Variants in DDX19A observed in about 807,000 individuals in gnomAD.
DDX19A encodes ATP-dependent RNA helicase DDX19A.
In DDX19A, 12 loss-of-function variants were observed where a neutral mutation model predicts 60.6. The ratio of observed to expected loss-of-function variants is 0.20; its 90% confidence interval spans 0.13 to 0.32. The LOEUF is 0.32. DDX19A is among the 10% of genes least tolerant of loss of function. DDX19A has a pLI of 1.00. For synonymous variants in DDX19A, 206 were observed against 218.2 expected (o/e 0.94, Z 0.49); for missense variants, 337 against 600.6 (o/e 0.56, Z 4.59).
chr16:70,370,158 G>C (rs1353142789), intron 9 of DDX19A, 65 bp from the exon 10 acceptor site: 1 of 1,538,938 alleles, frequency 6.5e-7, no homozygotes, highest in Non-Finnish European at 8.7e-7. Flanking sequence ...CAGCAAGACT[G>C]TGTCTCAAAA....
chr16:70,355,391 AAAAT>A, intron 2 of DDX19A, 90 bp from the exon 3 acceptor site: 1 of 976,554 alleles, frequency 1.0e-6, no homozygotes, highest in East Asian at 2.5e-5. Flanking sequence ...ATAAAAAAAT[AAAAT>A]AAATTTCAGT....
chr16:70,367,308 A>AT (rs1332114871), intron 9 of DDX19A, among the ~76,000 whole-genome samples: 3 of 151,916 alleles, frequency 2.0e-5, no homozygotes, highest in Non-Finnish European at 4.4e-5. Context: ...GGCGCTTGTA[A>AT]TCCCAGCTAC....
At position 70,366,452 on chromosome 16, in the gene DDX19A, T is replaced by C; in HGVS notation, c.783-172T>C. The C allele has an allele frequency of 2.4e-6, 3 of 1,226,456 alleles. No individual in the cohort carries two copies. The South Asian group carries it at 4.4e-5, about 18-fold the overall frequency. The allele number at this position is 1,226,456 out of a possible 1,614,324, so 76.0% of individuals were successfully genotyped here. A position where few individuals can be genotyped will look rare whatever the true frequency, so the allele number is the denominator to read the frequency against. ...CCAACCTGGGTTGAGAAAGGAGACC[T>C]AGGGACTCTTCCCCAACCCTTGTCC... On this transcript the variant is annotated intron_variant, in intron 8 of 11. Coordinates refer to ENST00000302243, the MANE Select transcript of DDX19A (RefSeq NM_018332.5).
At chr16:70,347,219 G>T in intron 1 of DDX19A, 171 bp downstream of exon 1, 1 of 647,404 alleles carries the variant, frequency 1.5e-6, no homozygotes, top group Non-Finnish European at 2.7e-6. Context: ...GACCAATGTC[G>T]AGCTTTTTAT....
At chr16:70,361,946 G>A (rs534244633) in intron 5 of DDX19A, among the ~76,000 whole-genome samples, 5 of 152,058 alleles carry the variant, frequency 3.3e-5, no homozygotes, top group Admixed American at 1.3e-4. Context: ...CAAGGTGGGC[G>A]GATTGCCTGA....
chr16:70,365,283 T>C, intron 7 of DDX19A, 152 bp downstream of exon 7: 3 of 494,580 alleles, frequency 6.1e-6, no homozygotes, highest in Non-Finnish European at 1.1e-5. Flanking sequence ...GAATACCTGC[T>C]AATTTGTTAA....
Position 70,373,294 on chromosome 16 carries a change from T to A in DDX19A, c.*1308T>A, listed in dbSNP as rs1389755999. 1 of 152,170 alleles carries A rather than the reference T, an allele frequency of 6.6e-6. No individual in the cohort carries two copies. Among genetic ancestry groups the A allele is most frequent in the Non-Finnish European group, 1.5e-5 (1 of 68,038 alleles). The allele number at this position is 152,170 out of a possible 1,614,324, so 9.4% of individuals were successfully genotyped here. Reference sequence around the variant, plus strand: ...CACCATTCATTATGCTAAGACATTTTAAAGTAATTATGAGAAACGCTCTAC... The same window carrying A: ...CACCATTCATTATGCTAAGACATTTAAAAGTAATTATGAGAAACGCTCTAC... On this transcript the variant is annotated 3_prime_UTR_variant, in exon 12 of 12. Transcript: ENST00000302243.
intron 1 of DDX19A, among the ~76,000 whole-genome samples, chr16:70,348,626 CAAAAAA>C (rs1244983371): frequency 1.1e-4 from 4 of 34,892 alleles, no homozygotes; most frequent in African/African-American, 5.4e-4. Flanking sequence ...GACTCTGTCT[CAAAAAA>C]AAAAAAAAAA....
At chr16:70,355,753 G>A (rs1048905370) in intron 3 of DDX19A, 21 of 592,242 alleles carry the variant, frequency 3.5e-5, no homozygotes, top group Non-Finnish European at 6.0e-5. Context: ...CTTTGGGCCA[G>A]GAGTTCAAGA....
intron 10 of DDX19A, chr16:70,370,773 A>T: frequency 5.3e-6 from 1 of 187,690 alleles, no homozygotes; most frequent in South Asian, 1.1e-4. Flanking sequence ...AGGTGGGCGA[A>T]TCACCTGAGG....
chr16:70,358,476 CTTTT>C (rs113552631), intron 4 of DDX19A, among the ~76,000 whole-genome samples: 41 of 140,868 alleles, frequency 2.9e-4, no homozygotes, highest in African/African-American at 8.2e-4. Context: ...GGCCCAATAA[CTTTT>C]TTTTTTTTTT....
Position 70,366,185 on chromosome 16 carries a change from C to A in DDX19A, c.705C>A (p.Ile235=), listed in dbSNP as rs1347249119. 2 of 1,614,136 alleles carry A rather than the reference C, an allele frequency of 1.2e-6. No homozygotes were observed. Among genetic ancestry groups the A allele is most frequent in the African/African-American group, 1.3e-5 (1 of 75,018 alleles). ...SKLKFIDPKK[I]KVFVLDEADV... is the part of the protein sequence containing the mutation. ...TCAAGTTCATTGATCCCAAGAAAAT[C>A]AAGGTGTTTGTTCTGGATGAGGCTG... The change falls in exon 8 of 12, where the codon ATC becomes ATA. Residue 235 remains isoleucine (I), a synonymous_variant. Transcript: ENST00000302243.
At chr16:70,355,248 G>A (rs565128459) in intron 2 of DDX19A, among the ~76,000 whole-genome samples, 2 of 152,080 alleles carry the variant, frequency 1.3e-5, no homozygotes, top group Admixed American at 6.6e-5. Context: ...ATGGTGGTGC[G>A]TGCCTAATCC....
At chr16:70,353,362 G>A (rs1242029911) in intron 2 of DDX19A, among the ~76,000 whole-genome samples, 4 of 151,370 alleles carry the variant, frequency 2.6e-5, no homozygotes, top group East Asian at 2.0e-4. Context: ...CAATCCGCTC[G>A]CTTGGCCTCG....
Position 70,372,173 on chromosome 16 carries a change from A to T in DDX19A, c.*187A>T. On this transcript the variant is annotated 3_prime_UTR_variant, in exon 12 of 12. Coordinates refer to ENST00000302243, the MANE Select transcript of DDX19A (RefSeq NM_018332.5). ...GCAAATGATGGGGGGCAATAGAAGA[A>T]AAAATTTGCATTTTGGAAAATTGGG... 1 of 994,888 alleles carries T rather than the reference A, an allele frequency of 1.0e-6. No individual in the cohort carries two copies. The highest frequency in any genetic ancestry group is 1.5e-6 in the Non-Finnish European group (1 of 677,238). The allele number at this position is 994,888 out of a possible 1,614,324, so 61.6% of individuals were successfully genotyped here.
rs943803696 is a variant in DDX19A at position 70,372,382 on chromosome 16, C to G, written c.*396C>G. The G allele has an allele frequency of 4.4e-5, 13 of 296,526 alleles. No homozygotes were observed. The highest frequency in any genetic ancestry group is 1.4e-4 in the Admixed American group (3 of 20,866). 18.4% of individuals were successfully genotyped at this position (296,526 alleles called of 1,614,324 possible). ...GAGGCTGAGTGGAAAATGGTGTGAG[C>G]CCCACCGCTGTGCATCGAATGAGGG... is the stretch of plus-strand genomic sequence containing the variant. On this transcript the variant is annotated 3_prime_UTR_variant, in exon 12 of 12. Transcript: ENST00000302243.
At chr16:70,371,713 A>C (rs1964693873) in intron 11 of DDX19A, 150 bp downstream of exon 11, 1 of 1,227,956 alleles carries the variant, frequency 8.1e-7, no homozygotes, top group African/African-American at 1.5e-5. Flanking sequence ...CAGGGAGCAC[A>C]CCTGGAGACT....
chr16:70,367,746 G>A (rs910865481), intron 9 of DDX19A, among the ~76,000 whole-genome samples: 1 of 151,892 alleles, frequency 6.6e-6, no homozygotes, highest in African/African-American at 2.4e-5. Context: ...GTGTGGTGGT[G>A]CATGCCTGTA....
chr16:70,351,562 C>A lies in DDX19A; in HGVS notation c.106+957C>A, dbSNP rs1486849983. Among the ~76,000 whole-genome samples, 4 of 151,734 alleles carry A rather than the reference C, an allele frequency of 2.6e-5. No homozygotes were observed. The South Asian group carries it at 8.3e-4, about 32-fold the overall frequency. ...TTTTTTTTGAGACAGTCTCACTCTGCCACGCAGGCCGGAGTGCAGTGGTGT... is the reference window on the plus strand; with the variant it reads ...TTTTTTTTGAGACAGTCTCACTCTGACACGCAGGCCGGAGTGCAGTGGTGT... On this transcript the variant is annotated intron_variant, in intron 2 of 11. Transcript: ENST00000302243.
Sources: allele counts gnomAD v4.1 joint callset (sites outside exome capture counted in the v4.1 genomes callset), GRCh38; gene constraint gnomAD v4.1.1; transcripts MANE v1.5; gene names NCBI Gene and HGNC (gene_info 2026-07-23, HGNC 2026-07-21).